PCDHA5: variants seen among roughly 807,000 people sequenced by gnomAD.
The protein encoded by PCDHA5 is protocadherin alpha-5.
In PCDHA5, 43 loss-of-function variants were observed where a neutral mutation model predicts 61.6. The ratio of observed to expected loss-of-function variants is 0.70; its 90% confidence interval spans 0.55 to 0.90. PCDHA5 has a LOEUF of 0.90. Ranked by LOEUF, PCDHA5 falls within the 40% of genes least tolerant of loss-of-function variation. The probability of loss-of-function intolerance (pLI) is 0.00; values close to 1 mark genes in which losing one functional copy is unlikely to be tolerated. For missense variants in PCDHA5, 1,298 were observed against 1,222.7 expected (o/e 1.06, Z -0.92); for synonymous variants, 627 against 543.9 (o/e 1.15, Z -2.13).
intron 1 of PCDHA5, chr5:140,884,210 C>G: frequency 6.2e-7 from 1 of 1,613,532 alleles, no homozygotes; most frequent in South Asian, 1.1e-5. Context: ...CCACCGCCTT[C>G]TGGTGCTGGT....
At chr5:140,830,062 G>A (rs1770788840) in intron 1 of PCDHA5, 3 of 1,613,698 alleles carry the variant, frequency 1.9e-6, no homozygotes, top group Non-Finnish European at 1.7e-6. Flanking sequence ...ACGGTGAGCC[G>A]GCGCTGACAG....
intron 1 of PCDHA5, chr5:140,834,328 T>C (rs2150127559): frequency 6.9e-7 from 1 of 1,451,502 alleles, no homozygotes; most frequent in Non-Finnish European, 9.4e-7. Flanking sequence ...ATAAAAACAT[T>C]CCTATAAATT....
intron 1 of PCDHA5, among the ~76,000 whole-genome samples, chr5:140,974,639 G>A (rs896104665): frequency 2.0e-5 from 3 of 152,198 alleles, no homozygotes; most frequent in African/African-American, 7.2e-5. Context: ...AACCTCCCGA[G>A]TAGCTGAGAT....
At position 140,836,458 on chromosome 5, in the gene PCDHA5, A is replaced by T. The variant is rs2150261468; in HGVS notation, c.2352+12331A>T. 14 of 1,613,642 alleles carry T rather than the reference A, an allele frequency of 8.7e-6. No homozygotes were observed. In the African/African-American group the frequency reaches 1.7e-4, roughly 20 times the overall value. On this transcript the variant is annotated intron_variant, in intron 1 of 3. Coordinates refer to ENST00000529859, the MANE Select transcript of PCDHA5 (RefSeq NM_018908.3). ...TTGGGCATTGCAGGCCCAGAGACCGAGCTGGTGGATGTCAACGTGTACCTG... is the reference window on the plus strand; with the variant it reads ...TTGGGCATTGCAGGCCCAGAGACCGTGCTGGTGGATGTCAACGTGTACCTG...
At chr5:140,923,045 T>C (rs1554201134) in intron 1 of PCDHA5, among the ~76,000 whole-genome samples, 1 of 152,226 alleles carries the variant, frequency 6.6e-6, no homozygotes, top group Non-Finnish European at 1.5e-5. Context: ...ATGTATAGTA[T>C]TTAGAATAAA....
At chr5:140,836,173 T>C in intron 1 of PCDHA5, 2 of 1,613,820 alleles carry the variant, frequency 1.2e-6, no homozygotes, top group Non-Finnish European at 1.7e-6. Flanking sequence ...GTACGTGCAG[T>C]TGACGCTGAC....
chr5:140,850,211 CACTGACGGCGCAGTG>C (rs2041429511), intron 1 of PCDHA5: 1 of 1,593,540 alleles, frequency 6.3e-7, no homozygotes, highest in Non-Finnish European at 8.6e-7. Context: ...GGATGAGGGG[CACTGACGGCGCAGTG>C]AGCGAGATGG....
intron 1 of PCDHA5, among the ~76,000 whole-genome samples, chr5:140,978,557 T>C (rs1262121525): frequency 6.6e-6 from 1 of 152,246 alleles, no homozygotes; most frequent in Non-Finnish European, 1.5e-5. Flanking sequence ...TGCCCTGTTA[T>C]AGCTGTAATA....
intron 1 of PCDHA5, among the ~76,000 whole-genome samples, chr5:140,939,940 C>G (rs1438905083): frequency 6.6e-6 from 1 of 152,140 alleles, no homozygotes; most frequent in Non-Finnish European, 1.5e-5. Context: ...TTATCAGTTA[C>G]TGAGAAAATT....
At chr5:140,836,647 G>A (rs2150266694) in intron 1 of PCDHA5, 3 of 1,613,346 alleles carry the variant, frequency 1.9e-6, no homozygotes, top group South Asian at 2.2e-5. Context: ...CAGCAGAGGC[G>A]GCAGAGGGTG....
At position 140,822,042 on chromosome 5, in the gene PCDHA5, C is replaced by T. The variant is rs148967528; in HGVS notation, c.267C>T (p.Ile89=). The T allele has an allele frequency of 2.2e-3, 3,471 of 1,614,176 alleles. 3 individuals carry two copies. The highest frequency in any genetic ancestry group is 2.7e-3 in the Non-Finnish European group (3,163 of 1,180,044). ...GCATTTTGTTTGTGAATTCTCGGATCGACCGGGAGGAGCTGTGCCGGCGGA... is the reference window on the plus strand; with the variant it reads ...GCATTTTGTTTGTGAATTCTCGGATTGACCGGGAGGAGCTGTGCCGGCGGA... ...QNGILFVNSR[I]DREELCRRRA... is the part of the protein sequence containing the mutation. The change falls in exon 1 of 4, where the codon ATC becomes ATT. Residue 89 remains isoleucine (I), a synonymous_variant. Coordinates refer to ENST00000529859, the MANE Select transcript of PCDHA5 (RefSeq NM_018908.3).
chr5:140,836,389 T>TG (rs1328834113), intron 1 of PCDHA5: 1 of 1,613,560 alleles, frequency 6.2e-7, no homozygotes, highest in East Asian at 2.2e-5. Flanking sequence ...CTGGTGTCGC[T>TG]GGTGGAAAGC....
intron 1 of PCDHA5, among the ~76,000 whole-genome samples, chr5:140,898,104 A>G (rs1220718510): frequency 2.0e-5 from 3 of 152,110 alleles, no homozygotes; most frequent in Middle Eastern, 3.4e-3. Flanking sequence ...TTGTCAGATG[A>G]GTAGGTTGCG....
intron 3 of PCDHA5, among the ~76,000 whole-genome samples, chr5:141,008,842 T>C (rs1554261951): frequency 6.6e-6 from 1 of 152,214 alleles, no homozygotes; most frequent in East Asian, 1.9e-4. Context: ...TCTTACGCTG[T>C]GTATTCCCAT....
chr5:140,965,496 ATTT>A (rs71766133), intron 1 of PCDHA5, among the ~76,000 whole-genome samples: 1 of 146,428 alleles, frequency 6.8e-6, no homozygotes. Flanking sequence ...ATGACAGCAG[ATTT>A]TTTTTTTTTT....
intron 1 of PCDHA5, chr5:140,867,633 T>C (rs1479252473): frequency 2.6e-5 from 4 of 152,136 alleles, no homozygotes; most frequent in Admixed American, 2.0e-4. Context: ...ATATTTAAGC[T>C]AGAGTGATAT....
chr5:140,977,850 T>C (rs1416064195), intron 1 of PCDHA5, among the ~76,000 whole-genome samples: 5 of 152,236 alleles, frequency 3.3e-5, no homozygotes, highest in African/African-American at 1.2e-4. Flanking sequence ...TATGGCTTTG[T>C]TTCTACCAAA....
intron 1 of PCDHA5, among the ~76,000 whole-genome samples, chr5:140,826,476 C>A (rs1486348458): frequency 6.6e-6 from 1 of 152,104 alleles, no homozygotes; most frequent in Non-Finnish European, 1.5e-5. Context: ...AGGCATTTTA[C>A]TGTATATCAG....
intron 1 of PCDHA5, chr5:140,870,947 G>T: frequency 1.2e-6 from 2 of 1,613,700 alleles, no homozygotes; most frequent in Non-Finnish European, 1.7e-6. Context: ...CCGGCGGCGG[G>T]CGGCTCGCGC....
Sources: allele counts gnomAD v4.1 joint callset (sites outside exome capture counted in the v4.1 genomes callset), GRCh38; gene constraint gnomAD v4.1.1; transcripts MANE v1.5; gene names NCBI Gene and HGNC (gene_info 2026-07-23, HGNC 2026-07-21).